MACROD2: variants seen among roughly 807,000 people sequenced by gnomAD.
MACROD2 encodes ADP-ribose glycohydrolase MACROD2.
A neutral mutation model predicts 70.4 loss-of-function variants in MACROD2; 36 were observed. That is an observed-to-expected ratio of 0.51 (90% CI 0.39 to 0.68). The LOEUF is 0.68. Ranked by LOEUF, MACROD2 falls within the 30% of genes least tolerant of loss-of-function variation. MACROD2 has a pLI of 0.00. For missense variants in MACROD2, 496 were observed against 538.4 expected, an observed-to-expected ratio of 0.92 and a Z score of 0.78; for synonymous variants, 172 against 178.8, an observed-to-expected ratio of 0.96 and a Z score of 0.30.
chr20:15,582,813 A>G (rs2048543771), intron 8 of MACROD2, among the ~76,000 whole-genome samples: 1 of 152,226 alleles, frequency 6.6e-6, no homozygotes, highest in Non-Finnish European at 1.5e-5. Flanking sequence ...ACCTCTTCAC[A>G]TCCACAGGAG....
At chr20:15,991,220 T>C (rs1374469390) in intron 15 of MACROD2, among the ~76,000 whole-genome samples, 1 of 152,228 alleles carries the variant, frequency 6.6e-6, no homozygotes, top group African/African-American at 2.4e-5. Flanking sequence ...TCTTTCTTAG[T>C]CCATGTGGGA....
intron 6 of MACROD2, among the ~76,000 whole-genome samples, chr20:15,389,335 TGAA>T (rs2045761625): frequency 6.6e-6 from 1 of 151,828 alleles, no homozygotes. Flanking sequence ...ATCCTATGTG[TGAA>T]GAAGGAGAAG....
chr20:14,130,358 G>A (rs1217334740), intron 3 of MACROD2, among the ~76,000 whole-genome samples: 1 of 152,082 alleles, frequency 6.6e-6, no homozygotes, highest in Non-Finnish European at 1.5e-5. Context: ...GACAAGCCTG[G>A]CCAAGATGGT....
At chr20:15,339,369 A>G (rs2078082937) in intron 6 of MACROD2, among the ~76,000 whole-genome samples, 2 of 151,840 alleles carry the variant, frequency 1.3e-5, no homozygotes, top group African/African-American at 2.4e-5. Context: ...ACTCTAAGAC[A>G]TCAATCGACA....
chr20:14,150,703 C>A (rs1271570903), intron 3 of MACROD2, among the ~76,000 whole-genome samples: 1 of 152,008 alleles, frequency 6.6e-6, no homozygotes, highest in East Asian at 1.9e-4. Context: ...GAGAATACTT[C>A]TTTGCTGGAA....
intron 7 of MACROD2, among the ~76,000 whole-genome samples, chr20:15,454,516 A>C (rs2046694029): frequency 6.6e-6 from 1 of 151,696 alleles, no homozygotes; most frequent in South Asian, 2.1e-4. Context: ...GAGTTAGGAA[A>C]CTTGTTGAAT....
Position 15,038,363 on chromosome 20 carries a change from G to T in MACROD2, c.419-191577G>T, listed in dbSNP as rs1032969355. Among the ~76,000 whole-genome samples, 7 of 152,282 alleles carry T rather than the reference G, an allele frequency of 4.6e-5. No homozygotes were observed. In the East Asian group the frequency reaches 1.3e-3, roughly 29 times the overall value. On this transcript the variant is annotated intron_variant, in intron 5 of 17. Transcript: ENST00000684519. ...AAATCTTATTTATAAAGGAGGAAAT[G>T]AGGTCTTCTGGTTGTAAATGACGTT...
At chr20:15,292,295 A>G (rs6131658) in intron 6 of MACROD2, among the ~76,000 whole-genome samples, 4 of 151,932 alleles carry the variant, frequency 2.6e-5, no homozygotes, top group Admixed American at 6.6e-5. Flanking sequence ...TCTAATCTAT[A>G]AAAAAAAGGG....
At chr20:14,148,406 G>T (rs1255386877) in intron 3 of MACROD2, among the ~76,000 whole-genome samples, 2 of 152,088 alleles carry the variant, frequency 1.3e-5, no homozygotes. Flanking sequence ...TTGTGTACTG[G>T]GATCTGAAGA....
chr20:14,307,979 A>G (rs556727525), intron 3 of MACROD2, among the ~76,000 whole-genome samples: 4 of 152,272 alleles, frequency 2.6e-5, no homozygotes, highest in African/African-American at 4.8e-5. Context: ...ATTAAGGCAT[A>G]AAAATTGTGA....
chr20:14,564,501 AG>A (rs1294441772), intron 4 of MACROD2, among the ~76,000 whole-genome samples: 54 of 151,996 alleles, frequency 3.6e-4, no homozygotes, highest in Admixed American at 3.5e-3. Context: ...TAACTCAACA[AG>A]AAAAAAACAA....
intron 4 of MACROD2, among the ~76,000 whole-genome samples, chr20:14,515,328 G>A (rs2085079684): frequency 6.6e-6 from 1 of 151,886 alleles, no homozygotes; most frequent in Non-Finnish European, 1.5e-5. Flanking sequence ...GTATACAAAG[G>A]AATTGAAATT....
At chr20:15,225,096 C>T (rs1228051830) in intron 5 of MACROD2, among the ~76,000 whole-genome samples, 1 of 151,714 alleles carries the variant, frequency 6.6e-6, no homozygotes, top group East Asian at 1.9e-4. Flanking sequence ...GAAAAAAATG[C>T]CCTCTTGTTC....
intron 2 of MACROD2, among the ~76,000 whole-genome samples, chr20:14,047,880 A>G (rs2053501759): frequency 1.3e-5 from 2 of 152,230 alleles, no homozygotes; most frequent in East Asian, 1.9e-4. Context: ...AATAAAACCT[A>G]TGAAATCAAG....
In MACROD2 at chr20:15,220,707, A is replaced by G. The variant is rs34206870; in HGVS notation, c.419-9233A>G. ...TGGATCTCATCTTTAAGGAAGCGAA[A>G]TTCTTCACAGTGTAGGAATCTCCAT... On this transcript the variant is annotated intron_variant, in intron 5 of 17. Coordinates refer to ENST00000684519, the MANE Select transcript of MACROD2 (RefSeq NM_001351661.2). Among the ~76,000 whole-genome samples the G allele has an allele frequency of 5.3e-5, 8 of 152,338 alleles. No homozygotes were observed. The East Asian group carries it at 1.5e-3, about 29-fold the overall frequency.
chr20:15,863,168 C>A (rs2064448075), intron 9 of MACROD2, among the ~76,000 whole-genome samples: 1 of 152,070 alleles, frequency 6.6e-6, no homozygotes, highest in South Asian at 2.1e-4. Context: ...TGTAAGTTTA[C>A]CAGGCCCCAT....
At chr20:14,361,416 A>G (rs2083220705) in intron 3 of MACROD2, among the ~76,000 whole-genome samples, 1 of 152,160 alleles carries the variant, frequency 6.6e-6, no homozygotes. Flanking sequence ...GGTTTTGCCC[A>G]TTCCTTCTCA....
In MACROD2 at chr20:15,028,536, G is replaced by C. The variant is rs912065467; in HGVS notation, c.419-201404G>C. ...GAGGATGTAACAATGAATAGAAAGT[G>C]ATCACTGCTCTGGGATCTGTCCCTC... On this transcript the variant is annotated intron_variant, in intron 5 of 17. Transcript: ENST00000684519. Among the ~76,000 whole-genome samples, 5 of 152,312 alleles carry C rather than the reference G, an allele frequency of 3.3e-5. 1 individual carries two copies. Among genetic ancestry groups the C allele is most frequent in the Admixed American group, 6.5e-5 (1 of 15,306 alleles).
At chr20:14,399,728 T>TA (rs1454624588) in intron 3 of MACROD2, among the ~76,000 whole-genome samples, 1 of 152,188 alleles carries the variant, frequency 6.6e-6, no homozygotes, top group Non-Finnish European at 1.5e-5. Context: ...AAAATTGTCT[T>TA]ACAGCTCACT....
Sources: gnomAD v4.1 joint callset for allele counts (sites outside exome capture counted in the v4.1 genomes callset) on GRCh38, gnomAD v4.1.1 for gene constraint, MANE v1.5 for transcripts, NCBI Gene and HGNC (gene_info 2026-07-23, HGNC 2026-07-21) for gene names.